EXOC3L4: variants seen among roughly 807,000 people sequenced by gnomAD.
EXOC3L4 encodes the protein exocyst complex component 3 like 4.
Under a neutral mutation model 69.7 loss-of-function variants are expected in EXOC3L4, and 62 were observed. That is an observed-to-expected ratio of 0.89 (90% CI 0.72 to 1.10). EXOC3L4 has a LOEUF of 1.10. Among genes scored for constraint, EXOC3L4 ranks in the 50% least tolerant of loss-of-function variants. The probability of loss-of-function intolerance (pLI) is 0.00; values close to 1 mark genes in which losing one functional copy is unlikely to be tolerated. For missense variants in EXOC3L4, 1,087 were observed against 1,034.8 expected (o/e 1.05, Z -0.69); for synonymous variants, 502 against 464.2 (o/e 1.08, Z -1.05).
Position 103,104,004 on chromosome 14 carries a change from G to A in EXOC3L4, c.1113G>A (p.Ala371=). The A allele has an allele frequency of 6.3e-7, 1 of 1,577,358 alleles. No individual in the cohort carries two copies. The change falls in exon 4 of 12, where the codon GCG becomes GCA. Residue 371 remains alanine, a synonymous_variant. Transcript: ENST00000688303. ...CCGAGCCGCTGCCTCCGCTCCTGGCGCCGGACGTGTGGGCCCGACTGGAGA... is the reference window on the plus strand; with the variant it reads ...CCGAGCCGCTGCCTCCGCTCCTGGCACCGGACGTGTGGGCCCGACTGGAGA... The part of the protein sequence containing the change: ...LPAEPLPPLL[A]PDVWARLESD...
At chr14:103,096,260 G>T (rs752441706) in intron 1 of EXOC3L4, among the ~76,000 whole-genome samples, 1 of 152,144 alleles carries the variant, frequency 6.6e-6, no homozygotes, top group African/African-American at 2.4e-5. Context: ...ACGCTTAGGT[G>T]GGAGGACTGC....
intron 3 of EXOC3L4, among the ~76,000 whole-genome samples, chr14:103,103,364 A>AAAAAG (rs1302726126): frequency 1.3e-5 from 2 of 149,794 alleles, no homozygotes; most frequent in Non-Finnish European, 3.0e-5. Context: ...CAAAAAAAAA[A>AAAAAG]AAAAAAAGAA....
chr14:103,107,840 T>G (rs1555404066), intron 10 of EXOC3L4, 57 bp downstream of exon 10: 3 of 1,459,996 alleles, frequency 2.1e-6, no homozygotes, highest in Non-Finnish European at 2.7e-6. Context: ...GTGGTGGCAG[T>G]GACTAGGGCC....
chr14:103,103,672 T>C, intron 3 of EXOC3L4: 1 of 432,072 alleles, frequency 2.3e-6, no homozygotes, highest in Non-Finnish European at 4.1e-6. Flanking sequence ...TCCTGAGCTG[T>C]GTTTGAGGAG....
intron 7 of EXOC3L4, among the ~76,000 whole-genome samples, chr14:103,106,048 C>T (rs774474178): frequency 1.6e-4 from 25 of 152,350 alleles, no homozygotes; most frequent in Non-Finnish European, 2.8e-4. Context: ...TTTGTGAGCA[C>T]TTCTCAGTGC....
intron 11 of EXOC3L4, among the ~76,000 whole-genome samples, chr14:103,109,246 TCTCCCTCC>T (rs1270312713): frequency 2.3e-4 from 4 of 17,178 alleles, no homozygotes; most frequent in African/African-American, 9.8e-4. Context: ...TGTCCCCGTG[TCTCCCTCC>T]CTCCCTCCCT....
chr14:103,103,815 T>C, intron 3 of EXOC3L4, 126 bp from the exon 4 acceptor site: 1 of 615,818 alleles, frequency 1.6e-6, no homozygotes, highest in South Asian at 1.9e-5. Context: ...TGTGTGTGTG[T>C]GTGTGTGTGT....
At chr14:103,095,266 C>T (rs535298941) in intron 1 of EXOC3L4, among the ~76,000 whole-genome samples, 68 of 152,322 alleles carry the variant, frequency 4.5e-4, no homozygotes, top group African/African-American at 1.4e-3. Flanking sequence ...GGGAAAGTGC[C>T]GAGTACTAGC....
chr14:103,100,587 CGTCTGAGGAACT>C lies in EXOC3L4; in HGVS notation c.370_381del (p.Ser124_Leu127del). Reference sequence around the variant, plus strand: ...AGCCAGCAGGCATCCACTGGGGCAGCGTCTGAGGAACTGAAACCCGAGGCAGGTAAGGGCCTC... The same window carrying C: ...AGCCAGCAGGCATCCACTGGGGCAGCGAAACCCGAGGCAGGTAAGGGCCTC... On this transcript the variant is annotated inframe_deletion, in exon 2 of 12. Transcript: ENST00000688303. The C allele has an allele frequency of 1.2e-6, 2 of 1,605,164 alleles. No homozygotes were observed. Among genetic ancestry groups the C allele is most frequent in the African/African-American group, 2.7e-5 (2 of 74,732 alleles).
chr14:103,101,262 A>AT (rs1595239034), intron 2 of EXOC3L4, among the ~76,000 whole-genome samples: 1 of 152,086 alleles, frequency 6.6e-6, no homozygotes, highest in East Asian at 1.9e-4. Context: ...TATGTTGCCC[A>AT]GGCTGGTCTC....
chr14:103,107,435 G>A lies in EXOC3L4; in HGVS notation c.1593G>A (p.Arg531=), dbSNP rs779217387. 2.5e-5 allele frequency: 40 copies of A among 1,613,850 alleles called. No individual in the cohort carries two copies. The highest frequency in any genetic ancestry group is 3.2e-5 in the Non-Finnish European group (38 of 1,179,990). ...CCCTCTGTCCCCAGCCGCTCTTCAGGGTTGTGTGCACCAGGGACTGGCTGA... is the reference window on the plus strand; with the variant it reads ...CCCTCTGTCCCCAGCCGCTCTTCAGAGTTGTGTGCACCAGGGACTGGCTGA... ...GLQRELQPLF[R]VVCTRDWLTQ... is the part of the protein sequence containing the mutation. Residue 531 remains arginine, a synonymous_variant, in exon 9 of 12, where the codon AGG becomes AGA. Coordinates refer to ENST00000688303, the MANE Select transcript of EXOC3L4 (RefSeq NM_001077594.2).
Position 103,100,438 on chromosome 14 carries a change from G to A in EXOC3L4, c.219G>A (p.Thr73=), listed in dbSNP as rs149177401. The A allele has an allele frequency of 3.0e-5, 48 of 1,613,200 alleles. No homozygotes were observed. The highest frequency in any genetic ancestry group is 6.6e-5 in the South Asian group (6 of 90,974). The change falls in exon 2 of 12, where the codon ACG becomes ACA. Residue 73 remains threonine, a synonymous_variant. Transcript: ENST00000688303. The part of the protein sequence containing the change: ...RALTQVSKED[T]GLFRRSSCSL... The stretch of plus-strand genomic sequence containing the variant: ...TGACCCAGGTCTCCAAGGAAGATAC[G>A]GGCCTGTTCCGGCGAAGCTCCTGCT...
In EXOC3L4 at chr14:103,102,206, C is replaced by T. The variant is rs1039329573; in HGVS notation, c.483C>T (p.Ala161=). 6 of 1,595,968 alleles carry T rather than the reference C, an allele frequency of 3.8e-6. No homozygotes were observed. Among genetic ancestry groups the T allele is most frequent in the African/African-American group, 2.7e-5 (2 of 74,470 alleles). Residue 161 remains alanine (A), a synonymous_variant, in exon 3 of 12, where the codon GCC becomes GCT. Coordinates refer to ENST00000688303, the MANE Select transcript of EXOC3L4 (RefSeq NM_001077594.2). The part of the protein sequence containing the change: ...QLLRLETLLV[A]EKASRTFEQD... ...TGCGCCTGGAGACGCTGCTGGTGGC[C>T]GAGAAGGCCTCGCGCACCTTTGAGC...
rs1266475868 is a variant in EXOC3L4, at chr14:103,102,220, G to A, written c.497G>A (p.Arg166His). The A allele has an allele frequency of 1.3e-6, 2 of 1,590,752 alleles. No homozygotes were observed. Among genetic ancestry groups the A allele is most frequent in the Non-Finnish European group, 1.7e-6 (2 of 1,169,518 alleles). Residue 166 changes from arginine to histidine, a missense_variant, in exon 3 of 12, where the codon CGC becomes CAC. Transcript: ENST00000688303. ...CTGCTGGTGGCCGAGAAGGCCTCGC[G>A]CACCTTTGAGCAGGACCCTACGGCC... is the stretch of plus-strand genomic sequence containing the variant. ...ETLLVAEKAS[R>H]TFEQDPTAFA...
upstream of EXOC3L4, among the ~76,000 whole-genome samples, chr14:103,094,553 C>CTGAG (rs1289413898): frequency 6.6e-6 from 1 of 151,640 alleles, no homozygotes; most frequent in Admixed American, 6.5e-5. Context: ...GACCCTTGGA[C>CTGAG]TGAGCCCTGA....
In EXOC3L4 at chr14:103,097,660, C is replaced by T. The variant is rs1016993452; in HGVS notation, c.-16-2544C>T. Among the ~76,000 whole-genome samples the T allele has an allele frequency of 6.6e-6, 1 of 152,216 alleles. No individual in the cohort carries two copies. Among genetic ancestry groups the T allele is most frequent in the African/African-American group, 2.4e-5 (1 of 41,458 alleles). ...GCCCAGTGCAGGAGGGCCACATCAT[C>T]ACAGGGACAGTGCCGAGTACCCACT... On this transcript the variant is annotated intron_variant, in intron 1 of 11. Coordinates refer to ENST00000688303, the MANE Select transcript of EXOC3L4 (RefSeq NM_001077594.2). The surrounding 1 kb of genome is among the most constrained non-coding windows in gnomAD (Gnocchi z 4.9).
At chr14:103,105,201 T>C in intron 7 of EXOC3L4, 129 bp downstream of exon 7, 3 of 913,160 alleles carry the variant, frequency 3.3e-6, no homozygotes, top group Admixed American at 2.9e-5. Flanking sequence ...TGTGTGTTTG[T>C]GTCTGTGTGT....
At position 103,107,661 on chromosome 14, in the gene EXOC3L4, G is replaced by T; in HGVS notation, c.1732G>T (p.Val578Phe). Residue 578 changes from valine (V) to phenylalanine (F), a missense_variant, in exon 10 of 12, where the codon GTC (valine) becomes TTC (phenylalanine). Coordinates refer to ENST00000688303, the MANE Select transcript of EXOC3L4 (RefSeq NM_001077594.2). Reference protein sequence around the residue: ...ETLQEVHRFVVREYLARALRP... With the variant: ...ETLQEVHRFVFREYLARALRP... ...TCTGCAGGAGGTGCACCGGTTCGTG[G>T]TCCGCGAGTACCTGGCGCGGGCGCT... 6.4e-7 allele frequency: 1 copy of T among 1,572,840 alleles called. No homozygotes were observed. Among genetic ancestry groups the T allele is most frequent in the Non-Finnish European group, 8.6e-7 (1 of 1,158,436 alleles).
intron 2 of EXOC3L4, among the ~76,000 whole-genome samples, chr14:103,101,755 C>G (rs10141689): frequency 0.027 from 4,126 of 152,292 alleles, 194 homozygotes; most frequent in African/African-American, 0.095. Flanking sequence ...GGGCAGGACA[C>G]GCCCTGCCTG....
Sources: gnomAD v4.1 joint callset for allele counts (sites outside exome capture counted in the v4.1 genomes callset) on GRCh38, gnomAD v4.1.1 for gene constraint, Gnocchi (gnomAD v3.1) non-coding constraint, MANE v1.5 for transcripts, NCBI Gene and HGNC (gene_info 2026-07-23, HGNC 2026-07-21) for gene names.